COP1: variants seen among roughly 807,000 people sequenced by gnomAD.
COP1 encodes E3 ubiquitin-protein ligase COP1.
COP1 carries 24 observed loss-of-function variants against 101.3 expected under a neutral mutation model. That is an observed-to-expected ratio of 0.24 (90% CI 0.17 to 0.33). The LOEUF is 0.33. Among genes scored for constraint, COP1 ranks in the 10% least tolerant of loss-of-function variants. The probability of loss-of-function intolerance (pLI) is 1.00; values close to 1 mark genes in which losing one functional copy is unlikely to be tolerated. For synonymous variants in COP1, 347 were observed against 341.9 expected (o/e 1.01, Z -0.17); for missense variants, 663 against 906.2 (o/e 0.73, Z 3.45).
intron 18 of COP1, 54 bp from the exon 19 acceptor site, chr1:175,947,293 T>G (rs1475153838): frequency 3.4e-6 from 4 of 1,187,870 alleles, no homozygotes; most frequent in Non-Finnish European, 5.0e-6. Context: ...TGGAGAGCAA[T>G]CCAAGAGATA....
chr1:176,060,174 T>A (rs1674585995), intron 11 of COP1, among the ~76,000 whole-genome samples: 1 of 152,194 alleles, frequency 6.6e-6, no homozygotes, highest in Non-Finnish European at 1.5e-5. Flanking sequence ...ACAACTACTT[T>A]AAAAAAATTT....
rs200235905 is a variant in COP1 at position 175,951,457 on chromosome 1, TATATAA to T, written c.2134-4224_2134-4219del. 3.1e-3 allele frequency among the ~76,000 whole-genome samples: 312 copies of T among 101,936 alleles called. 19 individuals are homozygous for T. The highest frequency in any genetic ancestry group is 3.6e-3 in the African/African-American group (112 of 31,014). The allele number at this position is 101,936 out of a possible 152,430, so 66.9% of individuals were successfully genotyped here. A position where few individuals can be genotyped will look rare whatever the true frequency, so the allele number is the denominator to read the frequency against. On this transcript the variant is annotated intron_variant, in intron 18 of 19. Transcript: ENST00000367669. ...ACGTGAATATATATATATATATATA[TATATAA>T]AAACTTCCATTTTTGGCCATAACAG...
At chr1:176,145,367 A>G (rs1417428805) in intron 6 of COP1, among the ~76,000 whole-genome samples, 1 of 129,974 alleles carries the variant, frequency 7.7e-6, no homozygotes, top group Non-Finnish European at 1.6e-5. Context: ...GCAAGAACAC[A>G]GTGCAACAGA....
At chr1:176,044,278 T>C (rs1322827768) in intron 12 of COP1, among the ~76,000 whole-genome samples, 1 of 152,234 alleles carries the variant, frequency 6.6e-6, no homozygotes, top group Non-Finnish European at 1.5e-5. Flanking sequence ...AGTCTTGACT[T>C]GACTAATTAT....
rs540146228 is a variant in COP1 at position 175,995,074 on chromosome 1, A to C, written c.1730-5595T>G. On this transcript the variant is annotated intron_variant, in intron 15 of 19. Transcript: ENST00000367669. ...CAGACCACAGCGCAATCAAACTAGA[A>C]CTCAGGATTAAGAAACTCACTAAAA... is the stretch of plus-strand genomic sequence containing the variant. Among the ~76,000 whole-genome samples, 12 of 152,356 alleles carry C rather than the reference A, an allele frequency of 7.9e-5. No homozygotes were observed. In the East Asian group the frequency reaches 2.3e-3, roughly 29 times the overall value.
intron 8 of COP1, among the ~76,000 whole-genome samples, chr1:176,120,434 T>TA (rs377700975): frequency 0.05 from 6,254 of 124,274 alleles, 157 homozygotes; most frequent in East Asian, 0.084. Flanking sequence ...CTCCAAAAAA[T>TA]AAAAAAAAAA....
intron 11 of COP1, among the ~76,000 whole-genome samples, chr1:176,070,250 T>C (rs1176639067): frequency 2.0e-5 from 3 of 151,874 alleles, no homozygotes; most frequent in African/African-American, 4.8e-5. Flanking sequence ...CTAGTTCTTA[T>C]ACATTCTTAA....
At chr1:176,186,524 A>G (rs926806147) in intron 1 of COP1, among the ~76,000 whole-genome samples, 5 of 152,132 alleles carry the variant, frequency 3.3e-5, no homozygotes, top group Non-Finnish European at 7.4e-5. Flanking sequence ...CAGGTGACAG[A>G]GCAAGACCCT....
intron 19 of COP1, among the ~76,000 whole-genome samples, chr1:175,945,707 G>A (rs1649082706): frequency 6.6e-6 from 1 of 152,122 alleles, no homozygotes; most frequent in African/African-American, 2.4e-5. Context: ...TTGTGATATT[G>A]CTAAAACTAA....
intron 18 of COP1, among the ~76,000 whole-genome samples, chr1:175,957,854 C>G (rs921171950): frequency 6.6e-6 from 1 of 152,102 alleles, no homozygotes; most frequent in African/African-American, 2.4e-5. Flanking sequence ...TAAGAAGGAA[C>G]TACAGATACA....
chr1:176,156,722 A>C (rs528725446), intron 5 of COP1, among the ~76,000 whole-genome samples: 1 of 152,214 alleles, frequency 6.6e-6, no homozygotes, highest in Non-Finnish European at 1.5e-5. Context: ...CATAATAATA[A>C]TAAAGGAGAT....
At chr1:176,187,943 G>A (rs1171671476) in intron 1 of COP1, among the ~76,000 whole-genome samples, 1 of 151,996 alleles carries the variant, frequency 6.6e-6, no homozygotes, top group Non-Finnish European at 1.5e-5. Flanking sequence ...TAGGTCATGA[G>A]GGCAGAACTC....
intron 11 of COP1, among the ~76,000 whole-genome samples, chr1:176,073,411 C>T (rs1464415006): frequency 2.0e-5 from 3 of 152,058 alleles, no homozygotes; most frequent in African/African-American, 7.2e-5. Flanking sequence ...ACAATTTTTA[C>T]CATAACAATC....
chr1:176,017,526 TTTTTA>T (rs1343128406), intron 15 of COP1: 2 of 152,126 alleles, frequency 1.3e-5, no homozygotes, highest in Non-Finnish European at 2.9e-5. Context: ...ATTACTTTTA[TTTTTA>T]TTTATTTTTT....
chr1:176,170,072 A>G (rs1290271392), intron 3 of COP1, among the ~76,000 whole-genome samples: 1 of 152,256 alleles, frequency 6.6e-6, no homozygotes, highest in African/African-American at 2.4e-5. Flanking sequence ...AGGATAGTAC[A>G]GGAAAATTCA....
intron 6 of COP1, among the ~76,000 whole-genome samples, chr1:176,139,134 C>T (rs984645140): frequency 2.0e-5 from 3 of 151,602 alleles, no homozygotes; most frequent in African/African-American, 7.3e-5. Context: ...ACAGACAATT[C>T]CCAAAAGGCA....
At chr1:175,954,796 C>T (rs559025584) in intron 18 of COP1, among the ~76,000 whole-genome samples, 86 of 152,102 alleles carry the variant, frequency 5.7e-4, no homozygotes, top group African/African-American at 2.0e-3. Flanking sequence ...AAATTACCAA[C>T]TACTTTTATA....
intron 8 of COP1, among the ~76,000 whole-genome samples, chr1:176,120,435 A>G (rs949007967): frequency 1.5e-5 from 2 of 134,896 alleles, no homozygotes; most frequent in African/African-American, 5.1e-5. Context: ...TCCAAAAAAT[A>G]AAAAAAAAAA....
intron 11 of COP1, among the ~76,000 whole-genome samples, chr1:176,050,886 C>CT: frequency 6.6e-6 from 1 of 152,144 alleles, no homozygotes; most frequent in East Asian, 1.9e-4. Flanking sequence ...AGAGTCTATG[C>CT]TCTCAATCAT....
Sources: gnomAD v4.1 joint callset for allele counts (sites outside exome capture counted in the v4.1 genomes callset) on GRCh38, gnomAD v4.1.1 for gene constraint, MANE v1.5 for transcripts, NCBI Gene and HGNC (gene_info 2026-07-23, HGNC 2026-07-21) for gene names.